Variants in GMDS observed in about 807,000 individuals in gnomAD.
GMDS encodes GDP-mannose 4,6 dehydratase.
Under a neutral mutation model 49.9 loss-of-function variants are expected in GMDS, and 20 were observed. The ratio of observed to expected loss-of-function variants is 0.40; its 90% CI spans 0.28 to 0.58. GMDS has a LOEUF of 0.58. Among genes scored for constraint, GMDS ranks in the 20% least tolerant of loss-of-function variants. The probability of loss-of-function intolerance (pLI) is 0.42; values close to 1 mark genes in which losing one functional copy is unlikely to be tolerated. For missense variants in GMDS, 362 were observed against 481.4 expected, an observed-to-expected ratio of 0.75 and a Z score of 2.32; for synonymous variants, 177 against 178.6, an observed-to-expected ratio of 0.99 and a Z score of 0.07.
intron 4 of GMDS, among the ~76,000 whole-genome samples, chr6:2,010,003 G>A (rs551997614): frequency 5.9e-5 from 9 of 152,110 alleles, no homozygotes; most frequent in African/African-American, 7.2e-5. Context: ...GAAACCCAAC[G>A]AACCCTGAGC....
In GMDS at chr6:2,075,960, G is replaced by A. The variant is rs559973312; in HGVS notation, c.345+39811C>T. Reference sequence around the variant, plus strand: ...TAATGATTGCCATTCTAACTGGTGTGAGATGGTATCTCACTGTGGTTTTGA... The same window carrying A: ...TAATGATTGCCATTCTAACTGGTGTAAGATGGTATCTCACTGTGGTTTTGA... On this transcript the variant is annotated intron_variant, in intron 4 of 10. Transcript: ENST00000380815. Among the ~76,000 whole-genome samples the A allele has an allele frequency of 6.7e-3, 1,022 of 152,266 alleles. 11 individuals are homozygous for A. Among genetic ancestry groups the A allele is most frequent in the African/African-American group, 0.023 (974 of 41,550 alleles).
intron 4 of GMDS, among the ~76,000 whole-genome samples, chr6:1,978,361 G>A (rs1399555105): frequency 1.3e-5 from 2 of 152,292 alleles, no homozygotes; most frequent in East Asian, 3.9e-4. Flanking sequence ...TGGAGTGCCT[G>A]GAAGAGGAAA....
intron 8 of GMDS, among the ~76,000 whole-genome samples, chr6:1,728,476 C>G (rs555245968): frequency 6.6e-6 from 1 of 152,186 alleles, no homozygotes; most frequent in Admixed American, 6.5e-5. Flanking sequence ...ACTGATTTTT[C>G]GCCTGTAGCT....
intron 7 of GMDS, among the ~76,000 whole-genome samples, chr6:1,879,899 G>A (rs34660383): frequency 0.21 from 32,025 of 151,478 alleles, 4,142 homozygotes; most frequent in Middle Eastern, 0.32. Flanking sequence ...GGGTATAAGA[G>A]GCACGACCTA....
chr6:1,799,568 T>A (rs1423897439), intron 7 of GMDS, among the ~76,000 whole-genome samples: 1 of 152,142 alleles, frequency 6.6e-6, no homozygotes, highest in African/African-American at 2.4e-5. Context: ...TGCTTTTCCT[T>A]CCCTACTTTC....
At chr6:2,123,774 A>G (rs1775269241) in intron 2 of GMDS, among the ~76,000 whole-genome samples, 1 of 152,262 alleles carries the variant, frequency 6.6e-6, no homozygotes, top group South Asian at 2.1e-4. Flanking sequence ...GCTCTTGGAT[A>G]AGGGTACAGA....
chr6:1,926,509 T>C (rs1227687631), intron 7 of GMDS, among the ~76,000 whole-genome samples: 2 of 152,248 alleles, frequency 1.3e-5, no homozygotes, highest in African/African-American at 4.8e-5. Flanking sequence ...TGTGTGTAAA[T>C]GAGATGGTAT....
intron 9 of GMDS, among the ~76,000 whole-genome samples, chr6:1,677,193 T>C (rs1459729014): frequency 6.6e-6 from 1 of 152,216 alleles, no homozygotes; most frequent in African/African-American, 2.4e-5. Context: ...TCATCATCAC[T>C]GGCCATCAGA....
chr6:1,999,980 ATT>A (rs1295708160), intron 4 of GMDS, among the ~76,000 whole-genome samples: 12 of 18,702 alleles, frequency 6.4e-4, no homozygotes, highest in Non-Finnish European at 8.9e-4. Flanking sequence ...TTATATATAT[ATT>A]TTATATATAT....
intron 7 of GMDS, among the ~76,000 whole-genome samples, chr6:1,853,829 C>T (rs1246994418): frequency 6.6e-6 from 1 of 152,146 alleles, no homozygotes; most frequent in Non-Finnish European, 1.5e-5. Context: ...CTTACTTATT[C>T]ATTGTAGAAA....
chr6:1,793,086 G>T (rs938493868), intron 7 of GMDS, among the ~76,000 whole-genome samples: 12 of 151,826 alleles, frequency 7.9e-5, no homozygotes, highest in African/African-American at 2.4e-4. Flanking sequence ...CTTTCTTGAT[G>T]CCCTTTCCCT....
chr6:1,798,245 A>G (rs1413046811), intron 7 of GMDS, among the ~76,000 whole-genome samples: 16 of 45,720 alleles, frequency 3.5e-4, no homozygotes, highest in African/African-American at 1.8e-3. Context: ...GAGCACACAC[A>G]CACACACACA....
chr6:2,147,530 T>C (rs1219005259), intron 1 of GMDS, among the ~76,000 whole-genome samples: 1 of 151,940 alleles, frequency 6.6e-6, no homozygotes, highest in Non-Finnish European at 1.5e-5. Context: ...CTCCTATAAT[T>C]TTGAAACCTT....
intron 7 of GMDS, among the ~76,000 whole-genome samples, chr6:1,774,924 A>C (rs1372369397): frequency 1.3e-5 from 2 of 152,164 alleles, no homozygotes; most frequent in Non-Finnish European, 2.9e-5. Context: ...CTAGCGAGGA[A>C]TGTCCATTCC....
chr6:2,026,944 G>C (rs1322439382), intron 4 of GMDS, among the ~76,000 whole-genome samples: 1 of 151,982 alleles, frequency 6.6e-6, no homozygotes, highest in African/African-American at 2.4e-5. Flanking sequence ...CATTTTCCAA[G>C]GAACACAGAT....
At chr6:1,721,163 C>G (rs1399753065) in intron 9 of GMDS, among the ~76,000 whole-genome samples, 1 of 151,688 alleles carries the variant, frequency 6.6e-6, no homozygotes, top group Non-Finnish European at 1.5e-5. Context: ...ACATCATTTA[C>G]AGAAAAATAT....
At chr6:2,164,062 T>C (rs1777541500) in intron 1 of GMDS, among the ~76,000 whole-genome samples, 1 of 152,228 alleles carries the variant, frequency 6.6e-6, no homozygotes, top group Non-Finnish European at 1.5e-5. Flanking sequence ...GTCTAGCATT[T>C]CTAATTCAAT....
chr6:1,958,559 A>T (rs909256090), intron 6 of GMDS, among the ~76,000 whole-genome samples: 1 of 152,228 alleles, frequency 6.6e-6, no homozygotes, highest in African/African-American at 2.4e-5. Flanking sequence ...ATGTGATGAC[A>T]GGCTAGGTTC....
In GMDS at chr6:2,245,513, A is replaced by G; in HGVS notation, c.-91T>C. On this transcript the variant is annotated 5_prime_UTR_variant, in exon 1 of 11. Transcript: ENST00000380815. ...AGGAACGCGGGGGTGTGCAGCACGA[A>G]GCGCCTCTCCAGGCTGCGGGCAGGG... is the stretch of plus-strand genomic sequence containing the variant. The G allele has an allele frequency of 1.6e-6, 1 of 640,806 alleles. No homozygotes were observed. Among genetic ancestry groups the G allele is most frequent in the Non-Finnish European group, 2.3e-6 (1 of 429,906 alleles). 39.7% of individuals were successfully genotyped at this position (640,806 alleles called of 1,614,324 possible). A position where few individuals can be genotyped will look rare whatever the true frequency, so the allele number is the denominator to read the frequency against.
Sources: allele counts gnomAD v4.1 joint callset (sites outside exome capture counted in the v4.1 genomes callset), GRCh38; gene constraint gnomAD v4.1.1; transcripts MANE v1.5; gene names NCBI Gene and HGNC (gene_info 2026-07-23, HGNC 2026-07-21).